SRP72: variants seen among roughly 807,000 people sequenced by gnomAD.
SRP72 encodes the protein signal recognition particle subunit SRP72.
SRP72 carries 49 observed loss-of-function variants against 96.3 expected under a neutral mutation model. That is an observed-to-expected ratio of 0.51 (90% CI 0.40 to 0.65). The LOEUF (loss-of-function observed/expected upper bound fraction) is 0.65. Ranked by LOEUF, SRP72 falls within the 30% of genes least tolerant of loss-of-function variation. The pLI, the probability that SRP72 is intolerant of heterozygous loss-of-function variation, is 0.00. For missense variants in SRP72, 736 were observed against 793.3 expected (o/e 0.93, Z 0.87); for synonymous variants, 267 against 275.2 (o/e 0.97, Z 0.30).
intron 16 of SRP72, among the ~76,000 whole-genome samples, chr4:56,492,362 A>G (rs1319855599): frequency 6.6e-6 from 1 of 152,228 alleles, no homozygotes; most frequent in Non-Finnish European, 1.5e-5. Flanking sequence ...GGCTTCATCT[A>G]CTTAAAAGAA....
rs56291298 is a variant in SRP72 at position 56,494,407 on chromosome 4, C to CTTT, written c.1641-937_1641-935dup. Among the ~76,000 whole-genome samples, 816 of 138,206 alleles carry CTTT rather than the reference C, an allele frequency of 5.9e-3. 16 individuals are homozygous for CTTT. The highest frequency in any genetic ancestry group is 0.02 in the African/African-American group (732 of 37,280). 90.7% of individuals were successfully genotyped at this position (138,206 alleles called of 152,430 possible). On this transcript the variant is annotated intron_variant, in intron 16 of 18. Coordinates refer to ENST00000642900, the MANE Select transcript of SRP72 (RefSeq NM_006947.4). ...TCTTTTCACTAGAGCTTTCAGAATG[C>CTTT]TTTTTTTTTTTTTTTGAGACGGAGT...
Position 56,491,479 on chromosome 4 carries a change from T to C in SRP72, c.1551T>C (p.Asp517=). ...CAGATAGTATGTCTCTAAAAGTAGA[T>C]GTTGAGGCTCTTGAAAATTCTGCTG... ...PSSDSMSLKV[D]VEALENSAGA... is the part of the protein sequence containing the mutation. The change falls in exon 16 of 19, where the codon GAT becomes GAC. Residue 517 remains aspartate, a synonymous_variant. Coordinates refer to ENST00000642900, the MANE Select transcript of SRP72 (RefSeq NM_006947.4). The C allele has an allele frequency of 6.2e-7, 1 of 1,614,004 alleles. No homozygotes were observed. The highest frequency in any genetic ancestry group is 8.5e-7 in the Non-Finnish European group (1 of 1,179,922).
chr4:56,473,457 CAA>C (rs536634526), intron 3 of SRP72, among the ~76,000 whole-genome samples: 5 of 129,502 alleles, frequency 3.9e-5, no homozygotes, highest in Admixed American at 7.7e-5. Context: ...GACTCCATCT[CAA>C]AAAAAAAAAA....
rs1721312523 is a variant in SRP72, at chr4:56,502,789, T to G, written c.*928T>G. ...AGTATTAAAATCTAACAGGTCTGTT[T>G]GGCCCATTGATAGATACTCAAATGG... On this transcript the variant is annotated 3_prime_UTR_variant, in exon 19 of 19. Transcript: ENST00000642900. 1 of 152,108 alleles carries G rather than the reference T, an allele frequency of 6.6e-6. No individual in the cohort carries two copies. The highest frequency in any genetic ancestry group is 2.4e-5 in the African/African-American group (1 of 41,420). 9.4% of individuals were successfully genotyped at this position (152,108 alleles called of 1,614,324 possible). A position where few individuals can be genotyped will look rare whatever the true frequency, so the allele number is the denominator to read the frequency against.
At chr4:56,469,542 G>A (rs866916921) in intron 1 of SRP72, 111 bp from the exon 2 acceptor site, 1 of 1,019,516 alleles carries the variant, frequency 9.8e-7, no homozygotes, top group African/African-American at 1.6e-5. Context: ...AATTATTTCT[G>A]TTGCAATAAA....
rs374228793 is a variant in SRP72, at chr4:56,502,115, G to T, written c.*254G>T. 8 of 432,412 alleles carry T rather than the reference G, an allele frequency of 1.9e-5. No homozygotes were observed. Among genetic ancestry groups the T allele is most frequent in the African/African-American group, 1.6e-4 (8 of 49,684 alleles). The allele number at this position is 432,412 out of a possible 1,614,324, so 26.8% of individuals were successfully genotyped here. A position where few individuals can be genotyped will look rare whatever the true frequency, so the allele number is the denominator to read the frequency against. On this transcript the variant is annotated 3_prime_UTR_variant, in exon 19 of 19. Coordinates refer to ENST00000642900, the MANE Select transcript of SRP72 (RefSeq NM_006947.4). The stretch of plus-strand genomic sequence containing the variant: ...GCATTTACCCATCTTGGTATCTGTT[G>T]TATCCTTTATCTGTGTGTGCTGATT...
At chr4:56,501,603 A>G in intron 18 of SRP72, 81 bp from the exon 19 acceptor site, 1 of 1,229,834 alleles carries the variant, frequency 8.1e-7, no homozygotes. Context: ...TAAGTGTGAT[A>G]AGTAAAACCC....
At chr4:56,496,504 A>G (rs576272914) in intron 17 of SRP72, among the ~76,000 whole-genome samples, 2 of 152,344 alleles carry the variant, frequency 1.3e-5, no homozygotes, top group Non-Finnish European at 2.9e-5. Flanking sequence ...GTGCATTAGT[A>G]ATACTGCAAG....
At chr4:56,483,349 C>T in intron 9 of SRP72, 79 bp downstream of exon 9, 7 of 1,380,034 alleles carry the variant, frequency 5.1e-6, no homozygotes, top group Non-Finnish European at 6.9e-6. Flanking sequence ...TTAGTCTAAT[C>T]TTTTTATAGT....
intron 12 of SRP72, 51 bp downstream of exon 12, chr4:56,488,064 A>G: frequency 2.4e-6 from 3 of 1,268,234 alleles, no homozygotes; most frequent in Non-Finnish European, 3.4e-6. Flanking sequence ...GATAATTTGT[A>G]TGTCTAATGT....
chr4:56,474,167 A>G lies in SRP72; in HGVS notation c.468A>G (p.Ala156=). 3 of 1,614,234 alleles carry G rather than the reference A, an allele frequency of 1.9e-6. No homozygotes were observed. Among genetic ancestry groups the G allele is most frequent in the Non-Finnish European group, 2.5e-6 (3 of 1,180,046 alleles). Residue 156 remains alanine (A), a synonymous_variant, in exon 4 of 19, where the codon GCA becomes GCG. Coordinates refer to ENST00000642900, the MANE Select transcript of SRP72 (RefSeq NM_006947.4). ...ERKTNLSAVV[A]AQSNWEKVVP... ...AAACAAACCTTTCAGCAGTTGTTGC[A>G]GCTCAAAGCAATTGGGAAAAAGTGG...
chr4:56,498,473 G>T (rs1721155432), intron 17 of SRP72, among the ~76,000 whole-genome samples: 1 of 152,152 alleles, frequency 6.6e-6, no homozygotes, highest in Non-Finnish European at 1.5e-5. Flanking sequence ...CAAAAAGGAA[G>T]TCAGGTTGTC....
chr4:56,477,324 A>C (rs1239955496), intron 6 of SRP72, among the ~76,000 whole-genome samples: 1 of 72,294 alleles, frequency 1.4e-5, no homozygotes, highest in African/African-American at 5.6e-5. Flanking sequence ...TTTTTTTTTG[A>C]GACAGGATCT....
chr4:56,475,516 C>T (rs554870082), intron 5 of SRP72, among the ~76,000 whole-genome samples: 1 of 146,438 alleles, frequency 6.8e-6, no homozygotes, highest in African/African-American at 2.5e-5. Flanking sequence ...GAGCTGAAAT[C>T]ATACCACTGT....
chr4:56,495,362 G>T lies in SRP72; in HGVS notation c.1646G>T (p.Gly549Val). ...ATTTTTTTTTCTCTTTGTAGACAGG[G>T]AGATTTGAAAAAGAAGAAAAAGAAA... Reference protein sequence around the residue: ...GDSQPKEQGQGDLKKKKKKKK... With the variant: ...GDSQPKEQGQVDLKKKKKKKK... The change falls in exon 17 of 19, where the codon GGA becomes GTA. Residue 549 changes from glycine to valine, a missense_variant. This residue lies in a region of SRP72 where 388 missense variants were observed against 431.8 expected (regional missense o/e 0.90). Transcript: ENST00000642900. The T allele has an allele frequency of 6.7e-7, 1 of 1,493,238 alleles. No homozygotes were observed. The highest frequency in any genetic ancestry group is 1.8e-4 in the Middle Eastern group (1 of 5,676). The allele number at this position is 1,493,238 out of a possible 1,614,324, so 92.5% of individuals were successfully genotyped here.
At chr4:56,495,281 T>A (rs1721036842) in intron 16 of SRP72, 76 bp from the exon 17 acceptor site, 1 of 982,136 alleles carries the variant, frequency 1.0e-6, no homozygotes. Flanking sequence ...CCCAACTAAC[T>A]CTTATAGAGC....
chr4:56,487,322 T>C (rs550233367), intron 11 of SRP72, among the ~76,000 whole-genome samples: 22 of 152,296 alleles, frequency 1.4e-4, no homozygotes, highest in South Asian at 4.1e-4. Context: ...CTCCCTCTTA[T>C]CCAATTCTCA....
At chr4:56,478,281 G>A (rs1448587384) in intron 6 of SRP72, 98 bp from the exon 7 acceptor site, 3 of 1,212,076 alleles carry the variant, frequency 2.5e-6, no homozygotes, top group East Asian at 2.7e-5. Context: ...GAAATTATGT[G>A]TCTTCAGGAT....
rs150238707 is a variant in SRP72 at position 56,469,972 on chromosome 4, G to GTT, written c.230+215_230+216dup. Among the ~76,000 whole-genome samples, 16,105 of 131,272 alleles carry GTT rather than the reference G, an allele frequency of 0.12. 1,226 individuals are homozygous for GTT. The highest frequency in any genetic ancestry group is 0.27 in the East Asian group (1,232 of 4,520). The allele number at this position is 131,272 out of a possible 152,430, so 86.1% of individuals were successfully genotyped here. ...CTTCTGTTTTTTTCAGCCTTAGAGA[G>GTT]TTTTTTTTTTTTTTTTTAACCACTG... On this transcript the variant is annotated intron_variant, in intron 2 of 18. Coordinates refer to ENST00000642900, the MANE Select transcript of SRP72 (RefSeq NM_006947.4).
Sources: allele counts gnomAD v4.1 joint callset (sites outside exome capture counted in the v4.1 genomes callset), GRCh38; gene constraint gnomAD v4.1.1; regional missense constraint gnomAD v4.1.1; transcripts MANE v1.5; gene names NCBI Gene and HGNC (gene_info 2026-07-23, HGNC 2026-07-21).